Variants in LRRC4C observed in about 807,000 individuals in gnomAD.
The protein encoded by LRRC4C is leucine rich repeat containing 4C.
LRRC4C carries 5 observed loss-of-function variants against 33.6 expected under a neutral mutation model. That is an observed-to-expected ratio of 0.15 (90% CI 0.08 to 0.31). The LOEUF (loss-of-function observed/expected upper bound fraction) is 0.31, where lower values mean the gene tolerates loss of function less well. Ranked by LOEUF, LRRC4C falls within the 10% of genes least tolerant of loss-of-function variation. The pLI is 1.00. For synonymous variants in LRRC4C, 329 were observed against 302.0 expected (o/e 1.09, Z -0.93); for missense variants, 560 against 796.7 (o/e 0.70, Z 3.58).
chr11:40,267,377 A>G (rs1252549822), intron 4 of LRRC4C, among the ~76,000 whole-genome samples: 1 of 152,118 alleles, frequency 6.6e-6, no homozygotes, highest in Non-Finnish European at 1.5e-5. Context: ...TTTGAGACAG[A>G]GTCTTGCTCT....
chr11:40,575,641 A>G (rs1958162004), intron 3 of LRRC4C, among the ~76,000 whole-genome samples: 1 of 152,178 alleles, frequency 6.6e-6, no homozygotes, highest in Admixed American at 6.5e-5. Flanking sequence ...AAGCCTCTTT[A>G]GTGGGGTTCT....
At chr11:40,439,775 T>C (rs908216673) in intron 3 of LRRC4C, among the ~76,000 whole-genome samples, 5 of 152,198 alleles carry the variant, frequency 3.3e-5, no homozygotes, top group African/African-American at 1.2e-4. Flanking sequence ...AATGCCTATG[T>C]GAAGTAGTTA....
At chr11:40,133,688 T>C (rs116897351) in intron 6 of LRRC4C, among the ~76,000 whole-genome samples, 5 of 152,230 alleles carry the variant, frequency 3.3e-5, no homozygotes, top group Non-Finnish European at 5.9e-5. Context: ...CATGCTCCAC[T>C]GAGGGAGTGT....
intron 1 of LRRC4C, among the ~76,000 whole-genome samples, chr11:41,178,887 G>C (rs2136140424): frequency 6.6e-6 from 1 of 152,152 alleles, no homozygotes; most frequent in East Asian, 1.9e-4. Context: ...ATTTTTAGTA[G>C]AGACAGGGTT....
At chr11:41,385,784 T>G (rs1160235685) in intron 1 of LRRC4C, among the ~76,000 whole-genome samples, 3 of 151,510 alleles carry the variant, frequency 2.0e-5, no homozygotes, top group Non-Finnish European at 4.4e-5. Context: ...AAACGTCCAA[T>G]AGGGAAGATA....
intron 1 of LRRC4C, among the ~76,000 whole-genome samples, chr11:40,944,033 G>A (rs746420596): frequency 3.6e-4 from 54 of 151,946 alleles, no homozygotes; most frequent in Non-Finnish European, 6.3e-4. Flanking sequence ...TCCTAAATAC[G>A]GACGGTAAAT....
At chr11:41,253,480 T>C (rs1353123572) in intron 1 of LRRC4C, among the ~76,000 whole-genome samples, 1 of 152,114 alleles carries the variant, frequency 6.6e-6, no homozygotes, top group Admixed American at 6.6e-5. Context: ...ATCATACTTT[T>C]ACCCAGGAGC....
intron 1 of LRRC4C, among the ~76,000 whole-genome samples, chr11:41,348,780 C>T (rs898589538): frequency 2.0e-5 from 3 of 152,088 alleles, no homozygotes; most frequent in Admixed American, 6.5e-5. Flanking sequence ...AAGGGGTCAA[C>T]GAAATAGGCA....
intron 1 of LRRC4C, among the ~76,000 whole-genome samples, chr11:41,094,189 A>G (rs1940646291): frequency 6.6e-6 from 1 of 151,956 alleles, no homozygotes; most frequent in Non-Finnish European, 1.5e-5. Flanking sequence ...ATTGACTCCA[A>G]ATCAACTATA....
chr11:40,918,606 T>C (rs537551475), intron 2 of LRRC4C, among the ~76,000 whole-genome samples: 1 of 152,230 alleles, frequency 6.6e-6, no homozygotes, highest in African/African-American at 2.4e-5. Flanking sequence ...CAAATGTGTA[T>C]CTGCTGTTTC....
chr11:40,332,380 T>C (rs1457271943), intron 3 of LRRC4C, among the ~76,000 whole-genome samples: 3 of 152,188 alleles, frequency 2.0e-5, no homozygotes, highest in Non-Finnish European at 4.4e-5. Flanking sequence ...CCTGTAAGTC[T>C]AATTTATTTT....
chr11:40,192,612 T>C (rs1414584806), intron 5 of LRRC4C, among the ~76,000 whole-genome samples: 1 of 152,068 alleles, frequency 6.6e-6, no homozygotes, highest in Non-Finnish European at 1.5e-5. Context: ...AACCATTCAC[T>C]ACCCTGGAAA....
intron 3 of LRRC4C, among the ~76,000 whole-genome samples, chr11:40,424,653 A>G (rs1950646690): frequency 6.6e-6 from 1 of 152,268 alleles, no homozygotes; most frequent in East Asian, 1.9e-4. Context: ...ATACTATGCC[A>G]TCATGAGAAA....
intron 1 of LRRC4C, among the ~76,000 whole-genome samples, chr11:40,964,416 A>T (rs1052417510): frequency 6.6e-6 from 1 of 151,794 alleles, no homozygotes; most frequent in Non-Finnish European, 1.5e-5. Context: ...CATGTGCACA[A>T]CGTGCAGGTT....
intron 4 of LRRC4C, among the ~76,000 whole-genome samples, chr11:40,260,587 A>T (rs188955335): frequency 2.0e-5 from 3 of 152,198 alleles, no homozygotes; most frequent in African/African-American, 7.2e-5. Context: ...ATCCCTCAAA[A>T]ATGTCCCGTT....
chr11:40,307,559 G>A (rs546924465), intron 4 of LRRC4C, among the ~76,000 whole-genome samples: 1 of 152,078 alleles, frequency 6.6e-6, no homozygotes, highest in Non-Finnish European at 1.5e-5. Flanking sequence ...TGTCATTTTT[G>A]TTCAATCACG....
At position 41,442,759 on chromosome 11, in the gene LRRC4C, G is replaced by A. The variant is rs193186746; in HGVS notation, c.-496+16672C>T. Among the ~76,000 whole-genome samples, 923 of 152,108 alleles carry A rather than the reference G, an allele frequency of 6.1e-3. 7 individuals are homozygous for A. Among genetic ancestry groups the A allele is most frequent in the African/African-American group, 0.021 (862 of 41,504 alleles). ...GCTGGGATTACAGGCGTGAGCCACC[G>A]CGCCCGGCCTGTTGCTTCTTTCTTG... On this transcript the variant is annotated intron_variant, in intron 1 of 6. Coordinates refer to ENST00000528697, the MANE Select transcript of LRRC4C (RefSeq NM_001258419.2).
At position 40,114,628 on chromosome 11, in the gene LRRC4C, A is replaced by C. The variant is rs759619273; in HGVS notation, c.1665T>G (p.His555Gln). The part of the protein sequence containing the change: ...VIFYKMRKQH[H>Q]RQNHHAPTRT... Reference sequence around the variant, plus strand: ...TTGTTGGGGCGTGATGGTTTTGCCGATGGTGCTGCTTCCTCATCTTGTAGA... The same window carrying C: ...TTGTTGGGGCGTGATGGTTTTGCCGCTGGTGCTGCTTCCTCATCTTGTAGA... The change falls in exon 7 of 7, where the codon CAT becomes CAG. Residue 555 changes from histidine (H) to glutamine (Q), a missense_variant. By Grantham distance (24) the His-to-Gln change is conservative. Around this residue, in one of 3 missense-constraint regions of LRRC4C, gnomAD observed 103 missense variants for 132.1 expected, o/e 0.78. Coordinates refer to ENST00000528697, the MANE Select transcript of LRRC4C (RefSeq NM_001258419.2). 6 of 1,614,174 alleles carry C rather than the reference A, an allele frequency of 3.7e-6. No individual in the cohort carries two copies. Among genetic ancestry groups the C allele is most frequent in the Non-Finnish European group, 5.1e-6 (6 of 1,180,032 alleles).
At chr11:40,128,964 G>A (rs11035706) in intron 6 of LRRC4C, among the ~76,000 whole-genome samples, 7,541 of 151,694 alleles carry the variant, frequency 0.05, 253 homozygotes, top group Middle Eastern at 0.075. Flanking sequence ...TTTCTCATAC[G>A]CTCAGGTGCA....
Sources: allele counts gnomAD v4.1 joint callset (sites outside exome capture counted in the v4.1 genomes callset), GRCh38; gene constraint gnomAD v4.1.1; regional missense constraint gnomAD v4.1.1; transcripts MANE v1.5; gene names NCBI Gene and HGNC (gene_info 2026-07-23, HGNC 2026-07-21).